ROCK2: variants seen among roughly 807,000 people sequenced by gnomAD.
ROCK2 encodes the protein Rho associated coiled-coil containing protein kinase 2, also known as rho-associated protein kinase 2.
ROCK2 carries 61 observed loss-of-function variants against 195.1 expected under a neutral mutation model. That is an observed-to-expected ratio of 0.31 (90% CI 0.25 to 0.39). ROCK2 has a LOEUF of 0.39. ROCK2 is among the 10% of genes least tolerant of loss of function. The probability of loss-of-function intolerance (pLI) is 1.00; values close to 1 mark genes in which losing one functional copy is unlikely to be tolerated. For missense variants in ROCK2, 1,109 were observed against 1,637.4 expected (o/e 0.68, Z 5.57); for synonymous variants, 504 against 545.5 (o/e 0.92, Z 1.06).
chr2:11,196,271 T>C (rs1403073493), intron 27 of ROCK2, among the ~76,000 whole-genome samples: 1 of 152,222 alleles, frequency 6.6e-6, no homozygotes, highest in Non-Finnish European at 1.5e-5. Context: ...ATGTTTCTTA[T>C]GAAGGACATA....
intron 6 of ROCK2, 26 bp from the exon 7 acceptor site, chr2:11,224,486 G>A (rs1288868203): frequency 1.2e-6 from 2 of 1,600,282 alleles, no homozygotes; most frequent in African/African-American, 1.3e-5. Flanking sequence ...AGAAGATACT[G>A]AATGTAACAG....
intron 1 of ROCK2, among the ~76,000 whole-genome samples, chr2:11,330,748 G>C: frequency 1.4e-5 from 1 of 69,420 alleles, no homozygotes; most frequent in Non-Finnish European, 3.6e-5. Context: ...GAGGGAGGAG[G>C]GAGGAGGAGG....
At chr2:11,224,272 AT>A (rs771436012) in intron 7 of ROCK2, 49 bp downstream of exon 7, 10 of 1,510,998 alleles carry the variant, frequency 6.6e-6, no homozygotes, top group Non-Finnish European at 8.1e-6. Context: ...TTTTATTTCT[AT>A]AAATTTAACA....
At chr2:11,216,029 T>C in intron 13 of ROCK2, 129 bp downstream of exon 13, 1 of 726,982 alleles carries the variant, frequency 1.4e-6, no homozygotes, top group Non-Finnish European at 2.4e-6. Context: ...AATTTAGTCC[T>C]ATCCACCAAT....
chr2:11,248,305 G>T (rs1211651555), intron 4 of ROCK2, among the ~76,000 whole-genome samples: 1 of 151,984 alleles, frequency 6.6e-6, no homozygotes, highest in African/African-American at 2.4e-5. Flanking sequence ...ACAAGAACTG[G>T]TGTATACCTA....
intron 1 of ROCK2, among the ~76,000 whole-genome samples, chr2:11,336,131 C>T (rs1218611099): frequency 6.6e-6 from 1 of 152,152 alleles, no homozygotes; most frequent in Non-Finnish European, 1.5e-5. Context: ...ACAACGAGAG[C>T]ATATTATTTT....
chr2:11,343,094 A>G (rs1325849471), intron 1 of ROCK2, among the ~76,000 whole-genome samples: 2 of 152,182 alleles, frequency 1.3e-5, no homozygotes, highest in East Asian at 3.8e-4. Flanking sequence ...GAGTCAATTT[A>G]ATACACAGAG....
At chr2:11,294,749 A>C (rs187896739) in intron 1 of ROCK2, among the ~76,000 whole-genome samples, 1 of 152,246 alleles carries the variant, frequency 6.6e-6, no homozygotes, top group Non-Finnish European at 1.5e-5. Context: ...GAAACACATG[A>C]ATAAAATTAA....
intron 3 of ROCK2, among the ~76,000 whole-genome samples, chr2:11,261,340 G>A (rs1003351620): frequency 6.6e-6 from 1 of 152,152 alleles, no homozygotes; most frequent in Non-Finnish European, 1.5e-5. Context: ...TAGCAAAGCT[G>A]GTTTCCACTG....
Position 11,214,963 on chromosome 2 carries a change from T to C in ROCK2, c.1813A>G (p.Lys605Glu). 3 of 1,614,130 alleles carry C rather than the reference T, an allele frequency of 1.9e-6. No homozygotes were observed. In the South Asian group the frequency reaches 3.3e-5, roughly 18 times the overall value. Residue 605 changes from lysine to glutamate, a missense_variant, in exon 16 of 33, where the codon AAA (lysine) becomes GAA (glutamate). Transcript: ENST00000315872. Reference sequence around the variant, plus strand: ...TTGGCAGTCTCCAGCAGGCAGTTTTTATCTTGTAGATCTCTATTGTTAGAT... The same window carrying C: ...TTGGCAGTCTCCAGCAGGCAGTTTTCATCTTGTAGATCTCTATTGTTAGAT... ...LESNNRDLQD[K>E]NCLLETAKLK...
chr2:11,224,792 G>C (rs993260017), intron 6 of ROCK2, among the ~76,000 whole-genome samples: 1 of 151,826 alleles, frequency 6.6e-6, no homozygotes, highest in East Asian at 1.9e-4. Context: ...CCTATGTGGG[G>C]TCAGATCAGT....
chr2:11,224,490 G>A, intron 6 of ROCK2, 30 bp from the exon 7 acceptor site: 1 of 1,598,910 alleles, frequency 6.3e-7, no homozygotes, highest in Non-Finnish European at 8.5e-7. Flanking sequence ...GATACTGAAT[G>A]TAACAGAGAA....
At chr2:11,315,591 A>G (rs192718486) in intron 1 of ROCK2, among the ~76,000 whole-genome samples, 115 of 152,278 alleles carry the variant, frequency 7.6e-4, no homozygotes, top group Middle Eastern at 3.4e-3. Context: ...ATAAACTTCT[A>G]AAAACATATC....
At chr2:11,241,467 T>C (rs940312666) in intron 4 of ROCK2, among the ~76,000 whole-genome samples, 17 of 152,214 alleles carry the variant, frequency 1.1e-4, no homozygotes, top group Non-Finnish European at 1.8e-4. Flanking sequence ...ACCTCCAAGT[T>C]TGATGAACTC....
At chr2:11,321,105 A>G (rs1025977423) in intron 1 of ROCK2, among the ~76,000 whole-genome samples, 3 of 152,196 alleles carry the variant, frequency 2.0e-5, no homozygotes, top group Non-Finnish European at 4.4e-5. Flanking sequence ...TTCCCTCAGT[A>G]GCATGGAAAA....
At chr2:11,219,101 C>T in intron 9 of ROCK2, 75 bp from the exon 10 acceptor site, 1 of 750,110 alleles carries the variant, frequency 1.3e-6, no homozygotes, top group Non-Finnish European at 2.1e-6. Flanking sequence ...AAGTTATTCT[C>T]AGACTTAAAT....
At chr2:11,218,526 A>G in intron 10 of ROCK2, 60 bp from the exon 11 acceptor site, 1 of 1,217,920 alleles carries the variant, frequency 8.2e-7, no homozygotes, top group Non-Finnish European at 1.1e-6. Context: ...TATTCTGTAA[A>G]ATTCCTAAAA....
At position 11,316,230 on chromosome 2, in the gene ROCK2, G is replaced by A. The variant is rs192296378; in HGVS notation, c.141+27766C>T. Among the ~76,000 whole-genome samples the A allele has an allele frequency of 3.3e-5, 5 of 152,238 alleles. 1 individual carries two copies. Among genetic ancestry groups the A allele is most frequent in the Non-Finnish European group, 7.4e-5 (5 of 67,994 alleles). ...ATACTACGTATATCCAGTATCAGAGGTGGGTGGAAGAGGAGGTGATGGATA... is the reference window on the plus strand; with the variant it reads ...ATACTACGTATATCCAGTATCAGAGATGGGTGGAAGAGGAGGTGATGGATA... On this transcript the variant is annotated intron_variant, in intron 1 of 32. Transcript: ENST00000315872.
At position 11,185,238 on chromosome 2, in the gene ROCK2, G is replaced by GCTCAAT. The variant is rs1196487052; in HGVS notation, c.4164-1799_4164-1798insATTGAG. 4.6e-5 allele frequency among the ~76,000 whole-genome samples: 7 copies of GCTCAAT among 152,312 alleles called. No homozygotes were observed. In the East Asian group the frequency reaches 1.3e-3, roughly 29 times the overall value. ...GAAAGCAGCTTTCTGAATTCCAGTA[G>GCTCAAT]GACCCTGCCTGCTCAATGTGTCACC... On this transcript the variant is annotated intron_variant, in intron 32 of 32. Coordinates refer to ENST00000315872, the MANE Select transcript of ROCK2 (RefSeq NM_004850.5).
Sources: gnomAD v4.1 joint callset for allele counts (sites outside exome capture counted in the v4.1 genomes callset) on GRCh38, gnomAD v4.1.1 for gene constraint, MANE v1.5 for transcripts, NCBI Gene and HGNC (gene_info 2026-07-23, HGNC 2026-07-21) for gene names.